Variants in OLA1 observed in about 807,000 individuals in gnomAD.
The protein encoded by OLA1 is Obg like ATPase 1.
OLA1 carries 14 observed loss-of-function variants against 48.4 expected under a neutral mutation model. That is an observed-to-expected ratio of 0.29 (90% CI 0.19 to 0.45). The LOEUF is 0.45. OLA1 is among the 20% of genes least tolerant of loss of function. OLA1 has a pLI of 1.00. For missense variants in OLA1, 325 were observed against 467.1 expected (o/e 0.70, Z 2.80); for synonymous variants, 127 against 150.4 (o/e 0.84, Z 1.14).
intron 4 of OLA1, among the ~76,000 whole-genome samples, chr2:174,191,183 A>G (rs1005823292): frequency 1.1e-4 from 17 of 152,092 alleles, no homozygotes; most frequent in African/African-American, 3.9e-4. Context: ...CCAATCCACA[A>G]CGTATACATA....
chr2:174,209,469 C>G (rs1428970461), intron 4 of OLA1, among the ~76,000 whole-genome samples: 2 of 152,066 alleles, frequency 1.3e-5, no homozygotes, highest in Non-Finnish European at 2.9e-5. Flanking sequence ...GAATCCTGGG[C>G]CGGGCTAGGT....
intron 2 of OLA1, among the ~76,000 whole-genome samples, chr2:174,236,936 C>T (rs1316182895): frequency 6.6e-6 from 1 of 152,152 alleles, no homozygotes; most frequent in African/African-American, 2.4e-5. Flanking sequence ...CATTACTGCA[C>T]ACTACTGTAG....
At chr2:174,129,692 T>A (rs1248321710) in intron 5 of OLA1, among the ~76,000 whole-genome samples, 1 of 151,990 alleles carries the variant, frequency 6.6e-6, no homozygotes, top group Non-Finnish European at 1.5e-5. Context: ...CTACAACATT[T>A]TAAAAAATTT....
chr2:174,160,723 A>G (rs1482726446), intron 4 of OLA1, among the ~76,000 whole-genome samples: 2 of 152,290 alleles, frequency 1.3e-5, no homozygotes, highest in East Asian at 3.9e-4. Context: ...ATAAAGCCCT[A>G]ACTAGTTGTA....
chr2:174,190,893 C>T (rs1297619541), intron 4 of OLA1, among the ~76,000 whole-genome samples: 3 of 130,022 alleles, frequency 2.3e-5, no homozygotes, highest in Admixed American at 9.3e-5. Flanking sequence ...TGCAGTGAGC[C>T]GAGATTGCGC....
intron 3 of OLA1, among the ~76,000 whole-genome samples, chr2:174,225,058 G>T (rs1170354577): frequency 6.6e-6 from 1 of 152,190 alleles, no homozygotes; most frequent in Non-Finnish European, 1.5e-5. Flanking sequence ...GTGGGGCCTG[G>T]TGGGAGGCGT....
intron 4 of OLA1, among the ~76,000 whole-genome samples, chr2:174,142,243 T>C (rs1686471175): frequency 6.6e-6 from 1 of 152,208 alleles, no homozygotes; most frequent in Admixed American, 6.5e-5. Context: ...TTATGGTCTT[T>C]ACAAAAACAA....
chr2:174,168,194 T>C (rs550981945), intron 4 of OLA1, among the ~76,000 whole-genome samples: 1 of 152,310 alleles, frequency 6.6e-6, no homozygotes, highest in East Asian at 1.9e-4. Context: ...ACTGTAGCGA[T>C]GGAAGAATGC....
chr2:174,154,901 C>T (rs1013987512), intron 4 of OLA1, among the ~76,000 whole-genome samples: 3 of 152,168 alleles, frequency 2.0e-5, no homozygotes, highest in Non-Finnish European at 4.4e-5. Flanking sequence ...GAATTACTAT[C>T]AATGCTTTCA....
At chr2:174,196,174 G>T (rs192027132) in intron 4 of OLA1, among the ~76,000 whole-genome samples, 6 of 151,992 alleles carry the variant, frequency 3.9e-5, no homozygotes, top group African/African-American at 1.4e-4. Flanking sequence ...GTTATATTTT[G>T]TTCCTTTTTA....
intron 7 of OLA1, among the ~76,000 whole-genome samples, chr2:174,104,931 G>A (rs181749173): frequency 6.6e-6 from 1 of 151,824 alleles, no homozygotes; most frequent in Non-Finnish European, 1.5e-5. Flanking sequence ...GTTCTCAATC[G>A]AGACCTTTAT....
intron 7 of OLA1, among the ~76,000 whole-genome samples, chr2:174,115,053 T>C (rs1420388240): frequency 6.6e-6 from 1 of 151,624 alleles, no homozygotes; most frequent in East Asian, 1.9e-4. Context: ...ACCACTGCAC[T>C]CCAGCCTGGT....
At chr2:174,099,289 G>A (rs2105351395) in intron 7 of OLA1, among the ~76,000 whole-genome samples, 1 of 152,088 alleles carries the variant, frequency 6.6e-6, no homozygotes, top group South Asian at 2.1e-4. Flanking sequence ...CCGAGTAGCT[G>A]GGACTACAGG....
At chr2:174,161,165 CACAT>C (rs1453043971) in intron 4 of OLA1, among the ~76,000 whole-genome samples, 1 of 152,106 alleles carries the variant, frequency 6.6e-6, no homozygotes, top group African/African-American at 2.4e-5. Flanking sequence ...CCAACTATAT[CACAT>C]ACATAGTTAA....
chr2:174,129,830 T>G (rs535724565), intron 5 of OLA1, among the ~76,000 whole-genome samples: 7 of 152,214 alleles, frequency 4.6e-5, no homozygotes, highest in Non-Finnish European at 4.4e-5. Context: ...GCTAAATGGA[T>G]AGACTTGGTG....
chr2:174,141,559 A>G (rs1178477980), intron 5 of OLA1, among the ~76,000 whole-genome samples: 1 of 152,152 alleles, frequency 6.6e-6, no homozygotes, highest in East Asian at 1.9e-4. Context: ...CTTTATTAAC[A>G]CTAAAACTTG....
intron 7 of OLA1, 29 bp from the exon 8 acceptor site, chr2:174,082,093 C>T (rs569531509): frequency 6.2e-7 from 1 of 1,610,276 alleles, no homozygotes; most frequent in South Asian, 1.1e-5. Context: ...ACAACATTAT[C>T]TTGTAGTGCA....
chr2:174,103,767 A>T (rs933954946), intron 7 of OLA1, among the ~76,000 whole-genome samples: 45 of 152,280 alleles, frequency 3.0e-4, no homozygotes, highest in African/African-American at 1.1e-3. Flanking sequence ...AATTCTTACA[A>T]GACAAAAAAC....
chr2:174,096,223 C>A (rs1685252997), intron 7 of OLA1, among the ~76,000 whole-genome samples: 1 of 152,070 alleles, frequency 6.6e-6, no homozygotes, highest in African/African-American at 2.4e-5. Flanking sequence ...CCTCAATAGG[C>A]AAATCCAAAG....
Sources: allele counts gnomAD v4.1 joint callset (sites outside exome capture counted in the v4.1 genomes callset), GRCh38; gene constraint gnomAD v4.1.1; transcripts MANE v1.5; gene names NCBI Gene and HGNC (gene_info 2026-07-23, HGNC 2026-07-21).